Variants in ADK observed in about 807,000 individuals in gnomAD.
ADK encodes N6,N6-dimethyladenosine kinase.
In ADK, 24 loss-of-function variants were observed where a neutral mutation model predicts 44.7. That is an observed-to-expected ratio of 0.54 (90% CI 0.39 to 0.76). ADK has a LOEUF of 0.76. ADK is among the 30% of genes least tolerant of loss of function. The pLI is 0.00. For synonymous variants in ADK, 128 were observed against 142.6 expected, an observed-to-expected ratio of 0.90 and a Z score of 0.73; for missense variants, 321 against 425.1, an observed-to-expected ratio of 0.76 and a Z score of 2.15.
chr10:74,333,704 C>T lies in ADK; in HGVS notation c.273+18959C>T, dbSNP rs1841307668. 2.0e-5 allele frequency among the ~76,000 whole-genome samples: 3 copies of T among 151,960 alleles called. 1 individual carries two copies. Among genetic ancestry groups the T allele is most frequent in the Middle Eastern group, 6.8e-3 (2 of 294 alleles). ...TTTTGCAAATTTAATCTATTTTTTT[C>T]TCAAAAACTGTTGTAAGAAAAAAAG... is the stretch of plus-strand genomic sequence containing the variant. On this transcript the variant is annotated intron_variant, in intron 4 of 10. Coordinates refer to ENST00000539909, the MANE Select transcript of ADK (RefSeq NM_006721.4).
intron 6 of ADK, among the ~76,000 whole-genome samples, chr10:74,522,034 G>GT (rs1219349886): frequency 6.6e-6 from 1 of 152,108 alleles, no homozygotes; most frequent in Non-Finnish European, 1.5e-5. Context: ...GGGAGAAAAA[G>GT]TAACATATTT....
chr10:74,596,551 CT>C (rs1397377612), intron 8 of ADK, among the ~76,000 whole-genome samples: 220 of 136,228 alleles, frequency 1.6e-3, no homozygotes, highest in Middle Eastern at 3.7e-3. Flanking sequence ...CTCTCTCTCT[CT>C]TTTTTTTTTT....
intron 6 of ADK, among the ~76,000 whole-genome samples, chr10:74,474,003 T>A (rs1846714404): frequency 6.6e-6 from 1 of 152,258 alleles, no homozygotes; most frequent in African/African-American, 2.4e-5. Context: ...ATATTGCCTA[T>A]ACCAATTACA....
intron 2 of ADK, among the ~76,000 whole-genome samples, chr10:74,201,237 G>A (rs1410147322): frequency 2.6e-5 from 4 of 152,176 alleles, no homozygotes; most frequent in African/African-American, 9.7e-5. Flanking sequence ...GAAGAAAGAT[G>A]ATTAGAGAAG....
chr10:74,631,592 A>G (rs1250092280), intron 9 of ADK, among the ~76,000 whole-genome samples: 1 of 151,974 alleles, frequency 6.6e-6, no homozygotes, highest in East Asian at 1.9e-4. Context: ...AGTACACAGT[A>G]GTATCACCTA....
At chr10:74,531,648 C>T (rs973762018) in intron 7 of ADK, among the ~76,000 whole-genome samples, 1 of 152,132 alleles carries the variant, frequency 6.6e-6, no homozygotes, top group Non-Finnish European at 1.5e-5. Flanking sequence ...ATCCTCCTAC[C>T]TCAACCTCCC....
At chr10:74,680,612 GCAGAGC>G (rs1177757102) in intron 10 of ADK, among the ~76,000 whole-genome samples, 2 of 152,062 alleles carry the variant, frequency 1.3e-5, no homozygotes, top group Non-Finnish European at 2.9e-5. Flanking sequence ...TAGCACTGAT[GCAGAGC>G]CTAGCCAACC....
At chr10:74,633,080 A>AT (rs1352409253) in intron 9 of ADK, among the ~76,000 whole-genome samples, 3 of 152,196 alleles carry the variant, frequency 2.0e-5, no homozygotes, top group African/African-American at 7.2e-5. Flanking sequence ...TTTTATGAAC[A>AT]TGGAATGATG....
chr10:74,602,950 G>A (rs1040848831), intron 9 of ADK, among the ~76,000 whole-genome samples: 3 of 152,050 alleles, frequency 2.0e-5, no homozygotes, highest in Non-Finnish European at 4.4e-5. Context: ...TTTGTAATTC[G>A]TTCTCATGTC....
intron 4 of ADK, among the ~76,000 whole-genome samples, chr10:74,368,185 G>A (rs1409990464): frequency 6.6e-6 from 1 of 152,148 alleles, no homozygotes; most frequent in African/African-American, 2.4e-5. Flanking sequence ...ACAGTGGCAT[G>A]AACATGGCTC....
At chr10:74,396,641 G>A (rs539030834) in intron 5 of ADK, among the ~76,000 whole-genome samples, 5 of 152,218 alleles carry the variant, frequency 3.3e-5, no homozygotes, top group Admixed American at 2.0e-4. Context: ...AATCAAATAC[G>A]TTGGGATAAT....
At chr10:74,353,016 A>G (rs1372637754) in intron 4 of ADK, among the ~76,000 whole-genome samples, 5 of 152,346 alleles carry the variant, frequency 3.3e-5, no homozygotes, top group African/African-American at 1.2e-4. Flanking sequence ...CAATTCCTCA[A>G]GGATCTAGAA....
chr10:74,485,285 C>G (rs544318186), intron 6 of ADK, among the ~76,000 whole-genome samples: 24 of 151,942 alleles, frequency 1.6e-4, no homozygotes, highest in African/African-American at 5.8e-4. Context: ...AAAAATTGTT[C>G]TACCTCATCA....
chr10:74,210,251 C>T (rs1843760416), intron 2 of ADK, among the ~76,000 whole-genome samples: 1 of 150,612 alleles, frequency 6.6e-6, no homozygotes, highest in Non-Finnish European at 1.5e-5. Flanking sequence ...ATCGCTTGAA[C>T]CCAGGAGCGG....
At chr10:74,256,269 T>A (rs1023943357) in intron 3 of ADK, among the ~76,000 whole-genome samples, 5 of 152,170 alleles carry the variant, frequency 3.3e-5, no homozygotes, top group Non-Finnish European at 7.4e-5. Flanking sequence ...CTGAGAAGAT[T>A]AGAGGATTTT....
chr10:74,705,352 G>A (rs1004985615), intron 10 of ADK, among the ~76,000 whole-genome samples: 16 of 152,146 alleles, frequency 1.1e-4, no homozygotes, highest in Admixed American at 1.3e-4. Flanking sequence ...CTCTTGACCT[G>A]TCTTATTTGC....
chr10:74,652,807 A>G (rs1854321043), intron 9 of ADK, among the ~76,000 whole-genome samples: 1 of 151,996 alleles, frequency 6.6e-6, no homozygotes, highest in East Asian at 1.9e-4. Flanking sequence ...CCAGTATGCT[A>G]GTATATATTT....
chr10:74,155,280 C>T lies in ADK; in HGVS notation c.65+3937C>T, dbSNP rs370425223. On this transcript the variant is annotated intron_variant, in intron 1 of 10. Transcript: ENST00000539909. ...GGAGGTTTGCTTGAACCCAGAAGTT[C>T]GAGACCAGTCTGGGCAACAAAATGA... Among the ~76,000 whole-genome samples, 46 of 151,858 alleles carry T rather than the reference C, an allele frequency of 3.0e-4. 1 individual carries two copies. The highest frequency in any genetic ancestry group is 6.8e-3 in the Middle Eastern group (2 of 294).
intron 1 of ADK, among the ~76,000 whole-genome samples, chr10:74,199,713 T>C (rs567680949): frequency 1.5e-4 from 23 of 152,280 alleles, no homozygotes; most frequent in South Asian, 8.3e-4. Context: ...AGAGTCTCGC[T>C]CTGTCGCCCA....
Sources: gnomAD v4.1 joint callset for allele counts (sites outside exome capture counted in the v4.1 genomes callset) on GRCh38, gnomAD v4.1.1 for gene constraint, MANE v1.5 for transcripts, NCBI Gene and HGNC (gene_info 2026-07-23, HGNC 2026-07-21) for gene names.